Variants in ARPP21 observed in about 807,000 individuals in gnomAD.
ARPP21 encodes the protein cAMP-regulated phosphoprotein 21.
ARPP21 carries 69 observed loss-of-function variants against 113.2 expected under a neutral mutation model. The ratio of observed to expected loss-of-function variants is 0.61; its 90% CI spans 0.50 to 0.74. The LOEUF is 0.74. Ranked by LOEUF, ARPP21 falls within the 30% of genes least tolerant of loss-of-function variation. ARPP21 has a pLI of 0.00. For synonymous variants in ARPP21, 368 were observed against 375.5 expected (o/e 0.98, Z 0.23); for missense variants, 1,070 against 1,037.4 (o/e 1.03, Z -0.43).
chr3:35,763,512 T>C (rs139977166), intron 19 of ARPP21, among the ~76,000 whole-genome samples: 1 of 152,296 alleles, frequency 6.6e-6, no homozygotes, highest in Non-Finnish European at 1.5e-5. Flanking sequence ...TCTGCCATGC[T>C]TGTCACCATG....
intron 1 of ARPP21, among the ~76,000 whole-genome samples, chr3:35,649,324 G>T (rs1348799977): frequency 6.6e-6 from 1 of 152,126 alleles, no homozygotes; most frequent in Non-Finnish European, 1.5e-5. Context: ...TTACAAAATA[G>T]TTTCTTCCTC....
At chr3:35,667,870 A>G (rs1325898650) in intron 1 of ARPP21, among the ~76,000 whole-genome samples, 1 of 133,656 alleles carries the variant, frequency 7.5e-6, no homozygotes, top group South Asian at 2.5e-4. Context: ...AAGAAGAAGA[A>G]GAAGAAGAAG....
chr3:35,735,764 T>C (rs557952093), intron 15 of ARPP21, among the ~76,000 whole-genome samples: 1 of 152,200 alleles, frequency 6.6e-6, no homozygotes, highest in Non-Finnish European at 1.5e-5. Flanking sequence ...TGAACAAATA[T>C]TCCCACTGCT....
intron 16 of ARPP21, 53 bp from the exon 17 acceptor site, chr3:35,738,161 G>T (rs1010266384): frequency 8.4e-7 from 1 of 1,190,516 alleles, no homozygotes; most frequent in Non-Finnish European, 1.2e-6. Context: ...CATCTTGTGA[G>T]ATTTCAACCC....
At chr3:35,704,572 T>C (rs375780066) in intron 9 of ARPP21, among the ~76,000 whole-genome samples, 9 of 152,016 alleles carry the variant, frequency 5.9e-5, no homozygotes, top group African/African-American at 2.2e-4. Flanking sequence ...TCAATATAAA[T>C]TGAAACATAA....
At chr3:35,684,193 C>G in intron 5 of ARPP21, 1 of 1,338,584 alleles carries the variant, frequency 7.5e-7, no homozygotes, top group Non-Finnish European at 9.7e-7. Context: ...TCTTACCTCT[C>G]AGCTCCCCAA....
At chr3:35,696,524 T>C (rs1372209556) in intron 9 of ARPP21, among the ~76,000 whole-genome samples, 1 of 151,530 alleles carries the variant, frequency 6.6e-6, no homozygotes, top group African/African-American at 2.4e-5. Context: ...GCCCTCCACG[T>C]TGTGTTCCTT....
chr3:35,769,174 A>G (rs922746870), intron 19 of ARPP21, among the ~76,000 whole-genome samples: 14 of 152,220 alleles, frequency 9.2e-5, no homozygotes, highest in Non-Finnish European at 2.9e-5. Flanking sequence ...CCGAGAAAGT[A>G]GAAAGCTGCA....
intron 10 of ARPP21, among the ~76,000 whole-genome samples, chr3:35,708,598 C>T (rs1320980606): frequency 3.9e-5 from 6 of 152,250 alleles, no homozygotes; most frequent in African/African-American, 1.2e-4. Context: ...CACCGGCATT[C>T]TGCCTCCTTC....
At chr3:35,766,533 G>A (rs1351298984) in intron 19 of ARPP21, among the ~76,000 whole-genome samples, 2 of 152,126 alleles carry the variant, frequency 1.3e-5, no homozygotes, top group African/African-American at 4.8e-5. Context: ...TGAGCCTTTA[G>A]GCATTTGACG....
At chr3:35,739,701 C>G in intron 18 of ARPP21, 124 bp downstream of exon 18, 1 of 1,275,426 alleles carries the variant, frequency 7.8e-7, no homozygotes, top group South Asian at 1.7e-5. Context: ...ATTAATATTC[C>G]TCACCAACAG....
At chr3:35,659,031 T>A (rs1321598820) in intron 1 of ARPP21, among the ~76,000 whole-genome samples, 1 of 152,300 alleles carries the variant, frequency 6.6e-6, no homozygotes, top group South Asian at 2.1e-4. Context: ...ATTTCACAGA[T>A]AATGTTTGGA....
At chr3:35,699,838 C>CA (rs2085589582) in intron 9 of ARPP21, among the ~76,000 whole-genome samples, 2 of 151,466 alleles carry the variant, frequency 1.3e-5, no homozygotes, top group Admixed American at 1.3e-4. Flanking sequence ...CCTTTTGTCT[C>CA]AAAAAAACAC....
chr3:35,684,273 T>C (rs1292514092), intron 5 of ARPP21: 15 of 1,177,612 alleles, frequency 1.3e-5, no homozygotes, highest in Non-Finnish European at 1.6e-5. Flanking sequence ...ATAAGGTGCA[T>C]TTAACTTTGG....
intron 16 of ARPP21, 30 bp from the exon 17 acceptor site, chr3:35,738,184 G>A (rs2094469249): frequency 7.1e-7 from 1 of 1,411,748 alleles, no homozygotes; most frequent in Non-Finnish European, 9.7e-7. Context: ...GTGCTTTTCT[G>A]TCAGCTGATC....
chr3:35,781,919 G>A (rs909514264), intron 19 of ARPP21, among the ~76,000 whole-genome samples: 7 of 152,098 alleles, frequency 4.6e-5, no homozygotes, highest in African/African-American at 1.7e-4. Flanking sequence ...TTGTGTTGTT[G>A]TTGTTTTCAA....
At chr3:35,726,343 G>A (rs1263861050) in intron 14 of ARPP21, among the ~76,000 whole-genome samples, 2 of 152,210 alleles carry the variant, frequency 1.3e-5, no homozygotes, top group Non-Finnish European at 2.9e-5. Context: ...GGCTGTGTGT[G>A]GAATATGGCT....
intron 19 of ARPP21, among the ~76,000 whole-genome samples, chr3:35,787,145 C>T (rs1323283715): frequency 1.3e-5 from 2 of 152,146 alleles, no homozygotes; most frequent in African/African-American, 2.4e-5. Flanking sequence ...CTTTATTTCT[C>T]CAGGCCTTCA....
chr3:35,719,343 C>T lies in ARPP21; in HGVS notation c.995+1986C>T, dbSNP rs141293379. On this transcript the variant is annotated intron_variant, in intron 13 of 20. Transcript: ENST00000684406. ...TCTCATTAATGCTAACTCCCTAAAG[C>T]GGCAACTTAAATTTTCTTTTTTAAA... 6.0e-3 allele frequency among the ~76,000 whole-genome samples: 906 copies of T among 152,208 alleles called. 10 individuals carry two copies. The highest frequency in any genetic ancestry group is 0.02 in the African/African-American group (837 of 41,530).
Sources: allele counts gnomAD v4.1 joint callset (sites outside exome capture counted in the v4.1 genomes callset), GRCh38; gene constraint gnomAD v4.1.1; transcripts MANE v1.5; gene names NCBI Gene and HGNC (gene_info 2026-07-23, HGNC 2026-07-21).